The following SMARCAL1 variants were observed in gnomAD, a reference collection of about 807,000 sequenced individuals.
SMARCAL1 encodes ATP-driven annealing helicase.
A neutral mutation model predicts 94.5 loss-of-function variants in SMARCAL1; 58 were observed. That is an observed-to-expected ratio of 0.61 (90% confidence interval 0.50 to 0.76). SMARCAL1 has a LOEUF of 0.76. SMARCAL1 is among the 30% of genes least tolerant of loss of function. The probability of loss-of-function intolerance (pLI) is 0.00; values close to 1 mark genes in which losing one functional copy is unlikely to be tolerated. For synonymous variants in SMARCAL1, 422 were observed against 455.1 expected (o/e 0.93, Z 0.93); for missense variants, 1,051 against 1,177.9 (o/e 0.89, Z 1.58).
chr2:216,464,722 A>G, intron 13 of SMARCAL1, 55 bp downstream of exon 13: 1 of 1,213,686 alleles, frequency 8.2e-7, no homozygotes, highest in Non-Finnish European at 1.2e-6. Context: ...AAAAAAAAAA[A>G]ACAACTTATT....
chr2:216,463,806 G>A (rs920013767), intron 12 of SMARCAL1, among the ~76,000 whole-genome samples: 28 of 152,360 alleles, frequency 1.8e-4, no homozygotes, highest in African/African-American at 6.5e-4. Flanking sequence ...ACTTTGGGAG[G>A]CTGAGGTGGG....
chr2:216,457,208 A>G (rs1280170954), intron 12 of SMARCAL1, among the ~76,000 whole-genome samples: 1 of 152,184 alleles, frequency 6.6e-6, no homozygotes, highest in African/African-American at 2.4e-5. Context: ...AGAGACCTAC[A>G]AAGAGACTTA....
Position 216,435,040 on chromosome 2 carries a change from T to C in SMARCAL1, c.1486-298T>C, listed in dbSNP as rs1272818699. The stretch of plus-strand genomic sequence containing the variant: ...TGCCCAGCTAATTTTGTATTTTTAG[T>C]AGAGATGGGATTTCTCCGTGTTGGT... On this transcript the variant is annotated intron_variant, in intron 8 of 17. Transcript: ENST00000357276. 2.0e-5 allele frequency among the ~76,000 whole-genome samples: 3 copies of C among 151,882 alleles called. No individual in the cohort carries two copies. In the East Asian group the frequency reaches 5.8e-4, roughly 29 times the overall value.
rs556929813 is a variant in SMARCAL1, at chr2:216,482,247, G to T, written c.2626-491G>T. Among the ~76,000 whole-genome samples the T allele has an allele frequency of 6.6e-6, 1 of 152,174 alleles. No individual in the cohort carries two copies. Among genetic ancestry groups the T allele is most frequent in the African/African-American group, 2.4e-5 (1 of 41,518 alleles). The stretch of plus-strand genomic sequence containing the variant: ...GTGGGCAGATCATTTGAGCTCAGGA[G>T]TTCGAGACCAGCCTGGGCAACATTT... On this transcript the variant is annotated intron_variant, in intron 17 of 17. Transcript: ENST00000357276. The surrounding 1 kb of genome is among the most constrained non-coding windows in gnomAD (Gnocchi z 4.3).
At chr2:216,418,176 C>T (rs771249880) in intron 4 of SMARCAL1, among the ~76,000 whole-genome samples, 5 of 152,180 alleles carry the variant, frequency 3.3e-5, no homozygotes, top group Non-Finnish European at 7.3e-5. Context: ...GCCTCAGCCT[C>T]TAAAACTGTT....
intron 14 of SMARCAL1, among the ~76,000 whole-genome samples, chr2:216,469,283 T>C (rs998323715): frequency 1.4e-5 from 2 of 141,110 alleles, no homozygotes; most frequent in African/African-American, 2.8e-5. Context: ...AGATTTCTTT[T>C]TTTTTTTTTT....
intron 12 of SMARCAL1, among the ~76,000 whole-genome samples, chr2:216,452,789 T>C (rs1368574687): frequency 2.0e-5 from 3 of 152,250 alleles, no homozygotes; most frequent in African/African-American, 7.2e-5. Flanking sequence ...TTTGTAAACT[T>C]CTGCCAACTT....
chr2:216,465,709 T>G (rs963385820), intron 13 of SMARCAL1, among the ~76,000 whole-genome samples: 1 of 152,188 alleles, frequency 6.6e-6, no homozygotes. Context: ...TTGTTTAACA[T>G]TCATGTGATG....
intron 14 of SMARCAL1, among the ~76,000 whole-genome samples, chr2:216,474,619 G>A (rs1001645571): frequency 3.3e-5 from 5 of 151,914 alleles, no homozygotes; most frequent in African/African-American, 1.2e-4. Context: ...GCCAGATGTG[G>A]TGGTGTGCGC....
chr2:216,444,914 G>T (rs1303480124), intron 10 of SMARCAL1, among the ~76,000 whole-genome samples: 1 of 152,176 alleles, frequency 6.6e-6, no homozygotes, highest in Admixed American at 6.5e-5. Context: ...AGCCTATTCT[G>T]CAGGGTTTTC....
intron 17 of SMARCAL1, among the ~76,000 whole-genome samples, chr2:216,481,555 G>A (rs1284339399): frequency 6.6e-6 from 1 of 151,734 alleles, no homozygotes; most frequent in South Asian, 2.1e-4. Flanking sequence ...CCAGGCTGGA[G>A]TGCAGTGGCG....
intron 13 of SMARCAL1, among the ~76,000 whole-genome samples, chr2:216,466,674 A>G (rs1005109769): frequency 2.0e-5 from 3 of 152,200 alleles, no homozygotes; most frequent in Non-Finnish European, 4.4e-5. Flanking sequence ...GAGGGGAAAG[A>G]CGCATTAGGA....
rs530929159 is a variant in SMARCAL1 at position 216,437,755 on chromosome 2, A to G, written c.1645-665A>G. On this transcript the variant is annotated intron_variant, in intron 9 of 17. Coordinates refer to ENST00000357276, the MANE Select transcript of SMARCAL1 (RefSeq NM_014140.4). ...TCAACTCTATATTTGCTTATGCAAC[A>G]AAAAGAAAAAAAGAATAAAGAAAAA... Among the ~76,000 whole-genome samples, 8 of 148,410 alleles carry G rather than the reference A, an allele frequency of 5.4e-5. No individual in the cohort carries two copies. The South Asian group carries it at 1.8e-3, about 33-fold the overall frequency.
chr2:216,446,504 T>C (rs1403345602), intron 10 of SMARCAL1, among the ~76,000 whole-genome samples: 1 of 152,196 alleles, frequency 6.6e-6, no homozygotes, highest in African/African-American at 2.4e-5. Flanking sequence ...CTGATTGTAA[T>C]TGTCATTATC....
chr2:216,451,420 T>C (rs561495545), intron 12 of SMARCAL1: 1 of 331,670 alleles, frequency 3.0e-6, no homozygotes, highest in African/African-American at 2.1e-5. Context: ...TGTTAGAAAA[T>C]TAGTCCTAAC....
At chr2:216,446,883 A>G (rs1694326545) in intron 10 of SMARCAL1, 135 bp from the exon 11 acceptor site, 2 of 936,192 alleles carry the variant, frequency 2.1e-6, no homozygotes, top group Admixed American at 2.0e-5. Flanking sequence ...TTGCATTGGC[A>G]ATGCCATTAG....
At chr2:216,425,721 A>G (rs775962743) in intron 6 of SMARCAL1, among the ~76,000 whole-genome samples, 5 of 152,224 alleles carry the variant, frequency 3.3e-5, no homozygotes, top group Non-Finnish European at 7.3e-5. Flanking sequence ...GAGGGGACCC[A>G]AAGTGGGTAG....
chr2:216,458,851 A>G (rs957339208), intron 12 of SMARCAL1, among the ~76,000 whole-genome samples: 1 of 152,150 alleles, frequency 6.6e-6, no homozygotes, highest in Non-Finnish European at 1.5e-5. Context: ...GGCAGGAGAA[A>G]GAAATAAAGG....
At chr2:216,462,779 A>G (rs923417702) in intron 12 of SMARCAL1, among the ~76,000 whole-genome samples, 1 of 151,926 alleles carries the variant, frequency 6.6e-6, no homozygotes, top group African/African-American at 2.4e-5. Context: ...TGAGCCTAAG[A>G]GTTTGAGACG....
Sources: gnomAD v4.1 joint callset for allele counts (sites outside exome capture counted in the v4.1 genomes callset) on GRCh38, gnomAD v4.1.1 for gene constraint, Gnocchi (gnomAD v3.1) non-coding constraint, MANE v1.5 for transcripts, NCBI Gene and HGNC (gene_info 2026-07-23, HGNC 2026-07-21) for gene names.